The following CTIF variants were observed in gnomAD, a reference collection of about 807,000 sequenced individuals.
CTIF encodes CBP80/20-dependent translation initiation factor.
CTIF carries 21 observed loss-of-function variants against 66.0 expected under a neutral mutation model. The observed-to-expected ratio is 0.32, with a 90% CI of 0.23 to 0.46. CTIF has a LOEUF of 0.46. Among genes scored for constraint, CTIF ranks in the 20% least tolerant of loss-of-function variants. The probability of loss-of-function intolerance (pLI) is 1.00; values close to 1 mark genes in which losing one functional copy is unlikely to be tolerated. For synonymous variants in CTIF, 345 were observed against 326.4 expected, an observed-to-expected ratio of 1.06 and a Z score of -0.62; for missense variants, 739 against 812.7, an observed-to-expected ratio of 0.91 and a Z score of 1.10.
At chr18:48,702,113 G>A (rs1023252519) in intron 6 of CTIF, among the ~76,000 whole-genome samples, 1 of 152,236 alleles carries the variant, frequency 6.6e-6, no homozygotes, top group Admixed American at 6.5e-5. Context: ...GGTCCATGGT[G>A]ATCCAGGCTT....
At chr18:48,713,988 G>A (rs1310805489) in intron 7 of CTIF, among the ~76,000 whole-genome samples, 1 of 151,994 alleles carries the variant, frequency 6.6e-6, no homozygotes, top group African/African-American at 2.4e-5. Flanking sequence ...AGCTGTCGTG[G>A]AGTCCTCAGG....
intron 9 of CTIF, among the ~76,000 whole-genome samples, chr18:48,778,889 C>T (rs1380777677): frequency 1.3e-5 from 2 of 152,162 alleles, no homozygotes; most frequent in Non-Finnish European, 2.9e-5. Context: ...CCCAGAATGA[C>T]AGTTTGTTTC....
At chr18:48,835,956 G>T (rs1344329777) in intron 10 of CTIF, among the ~76,000 whole-genome samples, 1 of 152,036 alleles carries the variant, frequency 6.6e-6, no homozygotes, top group Non-Finnish European at 1.5e-5. Flanking sequence ...GTTTGCATTT[G>T]TCATTCTACC....
chr18:48,758,295 G>T lies in CTIF; in HGVS notation c.961G>T (p.Val321Phe), dbSNP rs770164138. 6.2e-7 allele frequency: 1 copy of T among 1,613,392 alleles called. No individual in the cohort carries two copies. Among genetic ancestry groups the T allele is most frequent in the Non-Finnish European group, 8.5e-7 (1 of 1,179,944 alleles). ...CCCACAGCAGTCAGGGGGGCCAGAG[G>T]TTGAGACAAAACGTAAAGACAGTAT... ...LPPQQSGGPE[V>F]ETKRKDSILP... The change falls in exon 8 of 12, where the codon GTT (valine) becomes TTT (phenylalanine). Residue 321 changes from valine (V) to phenylalanine (F), a missense_variant. Val to Phe is a conservative substitution (Grantham distance 50). Coordinates refer to ENST00000256413, the MANE Select transcript of CTIF (RefSeq NM_014772.3).
intron 9 of CTIF, among the ~76,000 whole-genome samples, chr18:48,797,812 C>T (rs1217761829): frequency 6.6e-6 from 1 of 152,134 alleles, no homozygotes; most frequent in East Asian, 1.9e-4. Context: ...TAACAGGGAG[C>T]ATCTTACTAA....
chr18:48,830,812 G>A (rs1272072177), intron 10 of CTIF, among the ~76,000 whole-genome samples: 1 of 148,366 alleles, frequency 6.7e-6, no homozygotes, highest in Non-Finnish European at 1.5e-5. Flanking sequence ...CCCTACTAGT[G>A]CCTGGCTTGG....
intron 1 of CTIF, among the ~76,000 whole-genome samples, chr18:48,549,544 T>C (rs1367097557): frequency 6.6e-6 from 1 of 152,226 alleles, no homozygotes; most frequent in African/African-American, 2.4e-5. Flanking sequence ...CTTCAGCACA[T>C]TGGCCTTTGT....
At chr18:48,733,736 A>G (rs904156604) in intron 7 of CTIF, among the ~76,000 whole-genome samples, 4 of 152,218 alleles carry the variant, frequency 2.6e-5, no homozygotes, top group African/African-American at 9.7e-5. Flanking sequence ...CAGCTGGCCA[A>G]GAGGTCAGCT....
chr18:48,752,815 G>C (rs1490150972), intron 7 of CTIF, among the ~76,000 whole-genome samples: 1 of 152,200 alleles, frequency 6.6e-6, no homozygotes, highest in Non-Finnish European at 1.5e-5. Flanking sequence ...GTTAGTATAG[G>C]TCACTGTGAT....
chr18:48,676,433 G>T (rs560423024), intron 6 of CTIF, among the ~76,000 whole-genome samples: 4 of 152,298 alleles, frequency 2.6e-5, no homozygotes, highest in East Asian at 1.9e-4. Context: ...TTCTCGTTTT[G>T]CCTTTCTCTT....
At chr18:48,823,233 A>G (rs915413925) in intron 10 of CTIF, among the ~76,000 whole-genome samples, 1 of 152,064 alleles carries the variant, frequency 6.6e-6, no homozygotes, top group Admixed American at 6.5e-5. Context: ...AAAAAAAAAA[A>G]AGTGTCCAGA....
At chr18:48,679,415 G>A (rs2091701052) in intron 6 of CTIF, among the ~76,000 whole-genome samples, 1 of 152,206 alleles carries the variant, frequency 6.6e-6, no homozygotes. Context: ...GCAGAGAACT[G>A]GCAAGCTTGG....
chr18:48,770,731 G>C (rs1229724747), intron 9 of CTIF, among the ~76,000 whole-genome samples: 3 of 152,240 alleles, frequency 2.0e-5, no homozygotes, highest in Non-Finnish European at 4.4e-5. Flanking sequence ...CAGTAGCATC[G>C]ATTGCTGCCT....
intron 10 of CTIF, among the ~76,000 whole-genome samples, chr18:48,844,374 C>G (rs1222133486): frequency 6.6e-6 from 1 of 152,174 alleles, no homozygotes; most frequent in Non-Finnish European, 1.5e-5. Flanking sequence ...GAGTTGTAGC[C>G]CTGCCTTCTG....
chr18:48,693,187 A>C (rs1598882861), intron 6 of CTIF, among the ~76,000 whole-genome samples: 1 of 152,182 alleles, frequency 6.6e-6, no homozygotes, highest in Admixed American at 6.5e-5. Context: ...ACCCGGTGCC[A>C]GCATCAGCGG....
At chr18:48,824,941 C>G (rs2068554085) in intron 10 of CTIF, among the ~76,000 whole-genome samples, 1 of 152,200 alleles carries the variant, frequency 6.6e-6, no homozygotes, top group South Asian at 2.1e-4. Flanking sequence ...TGCACCCAGC[C>G]AAGCAGGGGA....
At chr18:48,580,377 T>C (rs111320605) in intron 1 of CTIF, among the ~76,000 whole-genome samples, 418 of 152,182 alleles carry the variant, frequency 2.7e-3, no homozygotes, top group African/African-American at 9.5e-3. Flanking sequence ...TTCCAAGATA[T>C]CTCTGTCTAG....
chr18:48,740,637 A>G (rs750209671), intron 7 of CTIF, among the ~76,000 whole-genome samples: 25 of 152,168 alleles, frequency 1.6e-4, no homozygotes, highest in Non-Finnish European at 3.2e-4. Context: ...ATCACTCAGG[A>G]TGTCCTGGGC....
chr18:48,663,650 G>T (rs2091384370), intron 3 of CTIF, 102 bp from the exon 4 acceptor site: 1 of 1,040,514 alleles, frequency 9.6e-7, no homozygotes, highest in Non-Finnish European at 1.5e-6. Context: ...ATACTCACTT[G>T]GGGGCTCACT....
Sources: gnomAD v4.1 joint callset for allele counts (sites outside exome capture counted in the v4.1 genomes callset) on GRCh38, gnomAD v4.1.1 for gene constraint, MANE v1.5 for transcripts, NCBI Gene and HGNC (gene_info 2026-07-23, HGNC 2026-07-21) for gene names.